Variants in TMEM132D observed in about 807,000 individuals in gnomAD.
TMEM132D encodes the protein transmembrane protein 132D.
In TMEM132D, 21 loss-of-function variants were observed where a neutral mutation model predicts 62.3. The observed-to-expected ratio is 0.34, with a 90% CI of 0.24 to 0.49. The LOEUF (loss-of-function observed/expected upper bound fraction) is 0.49, where lower values mean the gene tolerates loss of function less well. Among genes scored for constraint, TMEM132D ranks in the 20% least tolerant of loss-of-function variants. TMEM132D has a pLI of 0.99. For synonymous variants in TMEM132D, 621 were observed against 575.6 expected (o/e 1.08, Z -1.13); for missense variants, 1,346 against 1,402.8 (o/e 0.96, Z 0.65).
At chr12:129,246,795 C>CATGGTATCA (rs1026993093) in intron 4 of TMEM132D, among the ~76,000 whole-genome samples, 1 of 151,286 alleles carries the variant, frequency 6.6e-6, no homozygotes, top group African/African-American at 2.4e-5. Context: ...AAAGTAGGCA[C>CATGGTATCA]ATGGTATCAA....
chr12:129,750,048 C>G (rs7968067), intron 1 of TMEM132D, among the ~76,000 whole-genome samples: 1 of 152,144 alleles, frequency 6.6e-6, no homozygotes, highest in African/African-American at 2.4e-5. Flanking sequence ...TCTCTACTGA[C>G]GATGATGCCT....
rs772499614 is a variant in TMEM132D, at chr12:129,700,694, C to T, written c.84G>A (p.Thr28=). ...TGCTCTCAAGGATCCCTCGACCTTC[C>T]GTCACTGTGGGGAGGGAATCGCAGT... ...ISLAALFSKV[T]EGRGILESIQ... The change falls in exon 2 of 9, where the codon ACG becomes ACA. Residue 28 remains threonine, a synonymous_variant. Coordinates refer to ENST00000422113, the MANE Select transcript of TMEM132D (RefSeq NM_133448.3). 13 of 1,605,582 alleles carry T rather than the reference C, an allele frequency of 8.1e-6. No individual in the cohort carries two copies. In the South Asian group the frequency reaches 1.3e-4, roughly 16 times the overall value.
Position 129,071,730 on chromosome 12 carries a change from C to G in TMEM132D, c.*2145G>C, listed in dbSNP as rs991975825. 4 of 152,312 alleles carry G rather than the reference C, an allele frequency of 2.6e-5. No homozygotes were observed. The highest frequency in any genetic ancestry group is 9.7e-5 in the African/African-American group (4 of 41,438). The allele number at this position is 152,312 out of a possible 1,614,324, so 9.4% of individuals were successfully genotyped here. ...AAGACAAAGGACAGCCATAAAGCCA[C>G]TGAATGCAAACTTTATATTTACAGT... is the stretch of plus-strand genomic sequence containing the variant. On this transcript the variant is annotated 3_prime_UTR_variant, in exon 9 of 9. Transcript: ENST00000422113.
intron 1 of TMEM132D, among the ~76,000 whole-genome samples, chr12:129,896,654 T>C (rs1156672486): frequency 1.3e-5 from 2 of 152,186 alleles, no homozygotes; most frequent in Non-Finnish European, 2.9e-5. Context: ...TTAATGTCAC[T>C]AAAAGTTAAA....
chr12:129,466,947 G>A (rs1873929941), intron 3 of TMEM132D, among the ~76,000 whole-genome samples: 2 of 152,128 alleles, frequency 1.3e-5, no homozygotes, highest in South Asian at 4.1e-4. Context: ...ACTCTGCACT[G>A]CTGTAATTAT....
chr12:129,404,013 G>T (rs11060321), intron 3 of TMEM132D, among the ~76,000 whole-genome samples: 12,400 of 152,110 alleles, frequency 0.082, 700 homozygotes, highest in South Asian at 0.22. Context: ...ATGGATAGGT[G>T]ATGGGGTCAG....
intron 1 of TMEM132D, among the ~76,000 whole-genome samples, chr12:129,725,162 T>C (rs79764061): frequency 0.028 from 4,259 of 152,284 alleles, 196 homozygotes; most frequent in African/African-American, 0.094. Context: ...TATGCATCAT[T>C]GGCAAGAGAC....
chr12:129,314,374 C>G (rs1868413521), intron 4 of TMEM132D, among the ~76,000 whole-genome samples: 1 of 152,164 alleles, frequency 6.6e-6, no homozygotes, highest in Admixed American at 6.5e-5. Flanking sequence ...AAAAGGGTGT[C>G]CTTTCCCCAC....
chr12:129,547,334 G>T (rs1029078475), intron 2 of TMEM132D, among the ~76,000 whole-genome samples: 1 of 152,086 alleles, frequency 6.6e-6, no homozygotes, highest in Admixed American at 6.5e-5. Flanking sequence ...AAACTCCTGG[G>T]CTCAAGTGAT....
chr12:129,825,018 TTTTTTTTTTC>T (rs1457109163), intron 1 of TMEM132D, among the ~76,000 whole-genome samples: 2 of 97,562 alleles, frequency 2.0e-5, no homozygotes, highest in Non-Finnish European at 4.1e-5. Flanking sequence ...AGTCTTTTTT[TTTTTTTTTTC>T]CCTGAGATGG....
At chr12:129,232,231 C>T (rs151034756) in intron 4 of TMEM132D, among the ~76,000 whole-genome samples, 1 of 152,278 alleles carries the variant, frequency 6.6e-6, no homozygotes, top group East Asian at 1.9e-4. Flanking sequence ...AAATGGTCAC[C>T]TTCCTTAGTG....
intron 1 of TMEM132D, among the ~76,000 whole-genome samples, chr12:129,800,680 G>T (rs976900915): frequency 6.6e-6 from 1 of 152,084 alleles, no homozygotes; most frequent in Non-Finnish European, 1.5e-5. Context: ...AACGTGATTT[G>T]CCTGTTTAAA....
At chr12:129,413,490 A>G (rs1207363829) in intron 3 of TMEM132D, among the ~76,000 whole-genome samples, 1 of 150,188 alleles carries the variant, frequency 6.7e-6, no homozygotes, top group Non-Finnish European at 1.5e-5. Context: ...ACAGACTAAT[A>G]TAATAAGTGA....
chr12:129,148,552 C>T (rs911383180), intron 5 of TMEM132D, among the ~76,000 whole-genome samples: 4 of 152,170 alleles, frequency 2.6e-5, no homozygotes, highest in Admixed American at 6.5e-5. Flanking sequence ...TCTCCCTAAG[C>T]TCCCCCTGCA....
At chr12:129,864,345 G>A (rs552342416) in intron 1 of TMEM132D, among the ~76,000 whole-genome samples, 11 of 152,280 alleles carry the variant, frequency 7.2e-5, no homozygotes, top group South Asian at 2.1e-4. Flanking sequence ...ACAGGGCTGC[G>A]TCTGAATTTC....
At chr12:129,500,572 T>G (rs1475715657) in intron 3 of TMEM132D, among the ~76,000 whole-genome samples, 1 of 152,206 alleles carries the variant, frequency 6.6e-6, no homozygotes, top group East Asian at 1.9e-4. Context: ...GGGGTCTACC[T>G]TAGACAGAAT....
intron 5 of TMEM132D, among the ~76,000 whole-genome samples, chr12:129,205,290 C>T (rs1428931582): frequency 6.6e-6 from 1 of 151,134 alleles, no homozygotes; most frequent in African/African-American, 2.4e-5. Context: ...GTAGTGACAT[C>T]CATTGGCTCA....
intron 2 of TMEM132D, among the ~76,000 whole-genome samples, chr12:129,690,468 C>A (rs2137216383): frequency 6.6e-6 from 1 of 152,062 alleles, no homozygotes; most frequent in African/African-American, 2.4e-5. Context: ...CACTTTAGCT[C>A]AAAAGACTTT....
chr12:129,729,808 G>A (rs1105520), intron 1 of TMEM132D, among the ~76,000 whole-genome samples: 21,870 of 151,992 alleles, frequency 0.14, 1,719 homozygotes, highest in South Asian at 0.25. Flanking sequence ...AGTTTTAATC[G>A]CCAGAACCTG....
Sources: gnomAD v4.1 joint callset for allele counts (sites outside exome capture counted in the v4.1 genomes callset) on GRCh38, gnomAD v4.1.1 for gene constraint, MANE v1.5 for transcripts, NCBI Gene and HGNC (gene_info 2026-07-23, HGNC 2026-07-21) for gene names.